The following CCBE1 variants were observed in gnomAD, a reference collection of about 807,000 sequenced individuals.
The protein encoded by CCBE1 is collagen and calcium-binding EGF domain-containing protein 1.
In CCBE1, 37 loss-of-function variants were observed where a neutral mutation model predicts 50.0. The ratio of observed to expected loss-of-function variants is 0.74; its 90% CI spans 0.57 to 0.97. The LOEUF (loss-of-function observed/expected upper bound fraction) is 0.97, where lower values mean the gene tolerates loss of function less well. CCBE1 is among the 50% of genes least tolerant of loss of function. The probability of loss-of-function intolerance (pLI) is 0.00; values close to 1 mark genes in which losing one functional copy is unlikely to be tolerated. For synonymous variants in CCBE1, 234 were observed against 203.7 expected, an observed-to-expected ratio of 1.15 and a Z score of -1.27; for missense variants, 538 against 523.8, an observed-to-expected ratio of 1.03 and a Z score of -0.26.
intron 2 of CCBE1, among the ~76,000 whole-genome samples, chr18:59,672,425 A>T (rs1036763080): frequency 6.6e-6 from 1 of 152,184 alleles, no homozygotes; most frequent in Non-Finnish European, 1.5e-5. Flanking sequence ...TGGGACTCAA[A>T]AGCTGCCTCA....
intron 1 of CCBE1, 112 bp from the exon 2 acceptor site, chr18:59,696,821 C>A: frequency 1.7e-6 from 2 of 1,207,128 alleles, no homozygotes; most frequent in Non-Finnish European, 2.4e-6. Flanking sequence ...CGTCCCGGCG[C>A]TCTGGGCAGG....
At chr18:59,617,756 G>A (rs1242435094) in intron 2 of CCBE1, among the ~76,000 whole-genome samples, 5 of 152,154 alleles carry the variant, frequency 3.3e-5, no homozygotes, top group Admixed American at 3.3e-4. Context: ...CAGTTTTCAA[G>A]ACAATTCTTC....
chr18:59,441,697 G>A (rs1910433350), intron 7 of CCBE1, among the ~76,000 whole-genome samples: 1 of 151,964 alleles, frequency 6.6e-6, no homozygotes, highest in Admixed American at 6.6e-5. Flanking sequence ...AAAGTCAAAT[G>A]GAAATGAAAA....
intron 2 of CCBE1, among the ~76,000 whole-genome samples, chr18:59,617,605 C>T (rs1018677879): frequency 1.3e-5 from 2 of 152,208 alleles, no homozygotes; most frequent in East Asian, 3.9e-4. Flanking sequence ...CTGCTTGGGG[C>T]TACTTTTTCA....
chr18:59,697,217 G>A lies in CCBE1; in HGVS notation c.126C>T (p.Gly42=). The change falls in exon 1 of 11, where the codon GGC becomes GGT. Residue 42 remains glycine (G), a synonymous_variant. Transcript: ENST00000439986. ...CTGGGGCTTGCAGCGCTTACCTGTC[G>A]CCGTCCTCCGGCTCCTCTCTGTAGG... is the stretch of plus-strand genomic sequence containing the variant. The part of the protein sequence containing the change: ...TWTYREEPED[G]DREICSESKI... 1.9e-6 allele frequency: 3 copies of A among 1,548,610 alleles called. 1 individual carries two copies. The highest frequency in any genetic ancestry group is 2.6e-6 in the Non-Finnish European group (3 of 1,146,712).
chr18:59,539,587 C>A (rs1015654496), intron 2 of CCBE1, among the ~76,000 whole-genome samples: 5 of 152,196 alleles, frequency 3.3e-5, no homozygotes, highest in Admixed American at 6.5e-5. Context: ...AGTTTTGGAG[C>A]ATTTTGTTAT....
At chr18:59,516,582 G>A (rs1187723450) in intron 2 of CCBE1, among the ~76,000 whole-genome samples, 2 of 152,188 alleles carry the variant, frequency 1.3e-5, no homozygotes, top group Admixed American at 1.3e-4. Context: ...GGTCACTGCA[G>A]TTTATCTTTG....
At chr18:59,670,530 G>A (rs1173897849) in intron 2 of CCBE1, among the ~76,000 whole-genome samples, 2 of 152,226 alleles carry the variant, frequency 1.3e-5, no homozygotes, top group East Asian at 3.9e-4. Flanking sequence ...TAATAGGACG[G>A]CCCATTGCTT....
chr18:59,603,841 G>C (rs758830422), intron 2 of CCBE1, among the ~76,000 whole-genome samples: 11 of 152,208 alleles, frequency 7.2e-5, no homozygotes, highest in Admixed American at 2.0e-4. Flanking sequence ...CTGAGGAAGT[G>C]CCAAGTGTTG....
At chr18:59,473,957 G>A (rs1176499114) in intron 3 of CCBE1, among the ~76,000 whole-genome samples, 1 of 150,882 alleles carries the variant, frequency 6.6e-6, no homozygotes, top group African/African-American at 2.4e-5. Context: ...ACAATGTTTA[G>A]CTCCCACTTA....
chr18:59,488,931 C>T (rs1912958807), intron 2 of CCBE1, among the ~76,000 whole-genome samples: 2 of 152,122 alleles, frequency 1.3e-5, no homozygotes, highest in African/African-American at 4.8e-5. Context: ...GACATCAGGA[C>T]ACAAGGAGCC....
rs377162045 is a variant in CCBE1, at chr18:59,448,041, C to T, written c.717G>A (p.Leu239=). The T allele has an allele frequency of 3.1e-6, 5 of 1,614,056 alleles. No homozygotes were observed. In the African/African-American group the frequency reaches 4.0e-5, roughly 13 times the overall value. Residue 239 remains leucine, a synonymous_variant, in exon 7 of 11, where the codon CTG becomes CTA. Coordinates refer to ENST00000439986, the MANE Select transcript of CCBE1 (RefSeq NM_133459.4). ...LGKYITGDKV[L]ASNTYLPGPP... is the part of the protein sequence containing the mutation. Reference sequence around the variant, plus strand: ...GTCCTGGAAGGTAGGTGTTTGAGGCCAGCACCTTGTCACCAGTGATATACT... The same window carrying T: ...GTCCTGGAAGGTAGGTGTTTGAGGCTAGCACCTTGTCACCAGTGATATACT...
intron 9 of CCBE1, 100 bp from the exon 10 acceptor site, chr18:59,438,246 C>T (rs1349851475): frequency 1.9e-6 from 2 of 1,058,794 alleles, no homozygotes; most frequent in Admixed American, 3.6e-5. Flanking sequence ...CTGCACAAAA[C>T]AATAAACATT....
intron 2 of CCBE1, among the ~76,000 whole-genome samples, chr18:59,535,205 T>A (rs2144364234): frequency 6.6e-6 from 1 of 152,306 alleles, no homozygotes; most frequent in Middle Eastern, 3.4e-3. Flanking sequence ...AGATAAACGT[T>A]GAGACTGTCA....
intron 2 of CCBE1, among the ~76,000 whole-genome samples, chr18:59,517,316 G>A (rs1914414950): frequency 6.6e-6 from 1 of 152,190 alleles, no homozygotes; most frequent in African/African-American, 2.4e-5. Context: ...GGAATCCTGG[G>A]TATTTGGCAT....
intron 2 of CCBE1, among the ~76,000 whole-genome samples, chr18:59,640,015 C>T (rs543360943): frequency 1.3e-5 from 2 of 152,236 alleles, no homozygotes; most frequent in Non-Finnish European, 2.9e-5. Context: ...GAAAAACATT[C>T]CATGCTCACA....
intron 2 of CCBE1, among the ~76,000 whole-genome samples, chr18:59,647,179 CCACATTAAG>C (rs1367571965): frequency 3.9e-5 from 6 of 152,088 alleles, no homozygotes; most frequent in African/African-American, 1.4e-4. Flanking sequence ...CTAAAAATAC[CCACATTAAG>C]TAAAAATACC....
intron 2 of CCBE1, among the ~76,000 whole-genome samples, chr18:59,553,484 G>A (rs1177956928): frequency 1.3e-5 from 2 of 152,154 alleles, no homozygotes; most frequent in Admixed American, 6.5e-5. Flanking sequence ...ATCAACAGAT[G>A]GGCTGCTGGT....
chr18:59,603,458 T>C (rs529120001), intron 2 of CCBE1, among the ~76,000 whole-genome samples: 1 of 152,352 alleles, frequency 6.6e-6, no homozygotes, highest in African/African-American at 2.4e-5. Context: ...CTCATCTCTC[T>C]GTAAAACATC....
Sources: gnomAD v4.1 joint callset for allele counts (sites outside exome capture counted in the v4.1 genomes callset) on GRCh38, gnomAD v4.1.1 for gene constraint, MANE v1.5 for transcripts, NCBI Gene and HGNC (gene_info 2026-07-23, HGNC 2026-07-21) for gene names.